SPATA6: variants seen among roughly 807,000 people sequenced by gnomAD.
The protein encoded by SPATA6 is spermatogenesis associated 6, also known as spermatogenesis-associated protein 6.
Under a neutral mutation model 65.3 loss-of-function variants are expected in SPATA6, and 56 were observed. The ratio of observed to expected loss-of-function variants is 0.86; its 90% CI spans 0.69 to 1.07. The LOEUF is 1.07. Among genes scored for constraint, SPATA6 ranks in the 50% least tolerant of loss-of-function variants. The pLI is 0.00. For missense variants in SPATA6, 590 were observed against 594.8 expected (o/e 0.99, Z 0.08); for synonymous variants, 199 against 213.2 (o/e 0.93, Z 0.58).
At chr1:48,382,653 C>T (rs1282001197) in intron 9 of SPATA6, among the ~76,000 whole-genome samples, 19 of 106,352 alleles carry the variant, frequency 1.8e-4, no homozygotes, top group African/African-American at 5.6e-4. Context: ...GCCTCCCTCC[C>T]GGACGGGGCG....
At chr1:48,368,087 T>G (rs1246572891) in intron 9 of SPATA6, among the ~76,000 whole-genome samples, 2 of 152,210 alleles carry the variant, frequency 1.3e-5, no homozygotes, top group African/African-American at 4.8e-5. Flanking sequence ...AATTCTGGGT[T>G]GAAAATTCTT....
At chr1:48,399,255 A>T in intron 7 of SPATA6, 96 bp downstream of exon 7, 2 of 1,327,460 alleles carry the variant, frequency 1.5e-6, no homozygotes, top group Non-Finnish European at 2.1e-6. Flanking sequence ...AAGTATTATT[A>T]ATATAAGCTA....
At chr1:48,342,152 A>T (rs185322002) in intron 11 of SPATA6, among the ~76,000 whole-genome samples, 1 of 152,316 alleles carries the variant, frequency 6.6e-6, no homozygotes, top group East Asian at 1.9e-4. Context: ...TCTCTGTCAC[A>T]ATTCTCACCT....
At chr1:48,399,150 G>T in intron 7 of SPATA6, 3 of 569,862 alleles carry the variant, frequency 5.3e-6, no homozygotes, top group Middle Eastern at 4.7e-4. Flanking sequence ...AACACAGCTT[G>T]ATCTCTGTCA....
intron 3 of SPATA6, among the ~76,000 whole-genome samples, chr1:48,421,476 T>C (rs965259855): frequency 6.6e-6 from 1 of 152,124 alleles, no homozygotes; most frequent in African/African-American, 2.4e-5. Context: ...CAAGAACCAG[T>C]AGTATTATAA....
chr1:48,448,643 T>G (rs1484508948), intron 3 of SPATA6, among the ~76,000 whole-genome samples: 2 of 152,034 alleles, frequency 1.3e-5, no homozygotes, highest in Admixed American at 6.6e-5. Context: ...CAAATGTCCA[T>G]CAAATAGTCA....
At chr1:48,304,013 T>C (rs1201717382) in intron 12 of SPATA6, among the ~76,000 whole-genome samples, 1 of 152,212 alleles carries the variant, frequency 6.6e-6, no homozygotes, top group Non-Finnish European at 1.5e-5. Context: ...TCTCTTGACT[T>C]CTGCTGACAG....
intron 11 of SPATA6, among the ~76,000 whole-genome samples, chr1:48,339,018 C>T (rs754516572): frequency 6.6e-6 from 1 of 151,914 alleles, no homozygotes; most frequent in South Asian, 2.1e-4. Context: ...TGCAGAGACA[C>T]AGTGACAAAA....
the SPATA6 span, among the ~76,000 whole-genome samples, chr1:48,270,231 G>T: frequency 6.6e-6 from 1 of 152,130 alleles, no homozygotes; most frequent in Middle Eastern, 3.4e-3. Context: ...AAATAATTCT[G>T]CATTGATGTG....
At chr1:48,330,097 G>C (rs1475659462) in intron 11 of SPATA6, among the ~76,000 whole-genome samples, 1 of 152,190 alleles carries the variant, frequency 6.6e-6, no homozygotes, top group Non-Finnish European at 1.5e-5. Flanking sequence ...TGCCAGCCAG[G>C]CCTCAGCAGC....
intron 8 of SPATA6, among the ~76,000 whole-genome samples, chr1:48,392,515 T>C (rs12068263): frequency 0.015 from 2,244 of 152,124 alleles, 47 homozygotes; most frequent in African/African-American, 0.05. Flanking sequence ...TTTTAAAAAA[T>C]ATACCTTAAT....
rs58072004 is a variant in SPATA6, at chr1:48,299,516, GAAA to G, written c.1287-626_1287-624del. 7.9e-4 allele frequency among the ~76,000 whole-genome samples: 30 copies of G among 38,202 alleles called. 1 individual carries two copies. The highest frequency in any genetic ancestry group is 2.1e-3 in the South Asian group (1 of 482). The allele number at this position is 38,202 out of a possible 152,430, so 25.1% of individuals were successfully genotyped here. A position where few individuals can be genotyped will look rare whatever the true frequency, so the allele number is the denominator to read the frequency against. ...ACAACAAGAGCAAAACTCCGTCTCG[GAAA>G]AAAAAAAAAAAAAAAAAAGAATGCA... On this transcript the variant is annotated intron_variant, in intron 12 of 12. Transcript: ENST00000371847.
intron 1 of SPATA6, among the ~76,000 whole-genome samples, chr1:48,464,033 A>G (rs562392056): frequency 8.5e-4 from 129 of 152,172 alleles, no homozygotes; most frequent in African/African-American, 3.1e-3. Flanking sequence ...AACATTCAGG[A>G]TTTTTTAAAA....
chr1:48,346,545 T>G (rs1320430520), intron 11 of SPATA6, among the ~76,000 whole-genome samples: 1 of 152,118 alleles, frequency 6.6e-6, no homozygotes, highest in Non-Finnish European at 1.5e-5. Context: ...GCAGATTATA[T>G]GATCTTATAT....
At chr1:48,358,712 G>T (rs182090485) in intron 10 of SPATA6, among the ~76,000 whole-genome samples, 10 of 152,174 alleles carry the variant, frequency 6.6e-5, no homozygotes, top group African/African-American at 1.9e-4. Context: ...CTATGTTAAC[G>T]ATTCCATGAT....
At chr1:48,399,071 T>TA (rs1650884161) in intron 7 of SPATA6, 1 of 293,720 alleles carries the variant, frequency 3.4e-6, no homozygotes, top group East Asian at 5.8e-5. Flanking sequence ...GTTCAATTGG[T>TA]AGCGTTATTA....
rs369102808 is a variant in SPATA6 at position 48,333,290 on chromosome 1, G to C, written c.1194+22380C>G. On this transcript the variant is annotated intron_variant, in intron 11 of 12. Transcript: ENST00000371847. ...CTTCCTGTCCTCAAACATCAGACTC[G>C]AAGTTCTTTGGCTTTTGGACTCTTG... 4.2e-4 allele frequency among the ~76,000 whole-genome samples: 64 copies of C among 152,276 alleles called. 2 individuals carry two copies. The South Asian group carries it at 0.011, about 27-fold the overall frequency.
At chr1:48,369,924 A>G (rs1315557613) in intron 9 of SPATA6, among the ~76,000 whole-genome samples, 1 of 152,154 alleles carries the variant, frequency 6.6e-6, no homozygotes, top group Non-Finnish European at 1.5e-5. Flanking sequence ...TCTTGGCTCC[A>G]CCCTCAAAAG....
At chr1:48,309,187 A>G (rs550738345) in intron 11 of SPATA6, among the ~76,000 whole-genome samples, 111 of 152,166 alleles carry the variant, frequency 7.3e-4, no homozygotes, top group Non-Finnish European at 1.3e-3. Context: ...TTCTCCAAAT[A>G]TTCCTTCTGT....
Sources: allele counts gnomAD v4.1 joint callset (sites outside exome capture counted in the v4.1 genomes callset), GRCh38; gene constraint gnomAD v4.1.1; transcripts MANE v1.5; gene names NCBI Gene and HGNC (gene_info 2026-07-23, HGNC 2026-07-21).